DIS3L2: variants seen among roughly 807,000 people sequenced by gnomAD.
DIS3L2 encodes DIS3 like 3'-5' exoribonuclease 2, also known as DIS3-like exonuclease 2.
A neutral mutation model predicts 97.5 loss-of-function variants in DIS3L2; 34 were observed. The ratio of observed to expected loss-of-function variants is 0.35; its 90% confidence interval spans 0.27 to 0.46. DIS3L2 has a LOEUF of 0.46. Ranked by LOEUF, DIS3L2 falls within the 20% of genes least tolerant of loss-of-function variation. The probability of loss-of-function intolerance (pLI) is 1.00; values close to 1 mark genes in which losing one functional copy is unlikely to be tolerated. For synonymous variants in DIS3L2, 435 were observed against 445.2 expected (o/e 0.98, Z 0.29); for missense variants, 1,038 against 1,146.0 (o/e 0.91, Z 1.36).
intron 6 of DIS3L2, among the ~76,000 whole-genome samples, chr2:232,108,612 A>G (rs982122265): frequency 6.6e-6 from 1 of 152,228 alleles, no homozygotes; most frequent in Non-Finnish European, 1.5e-5. Flanking sequence ...AAGTCAAACT[A>G]TCTTTGTTTG....
intron 8 of DIS3L2, among the ~76,000 whole-genome samples, chr2:232,142,452 C>G (rs1298944864): frequency 6.6e-6 from 1 of 152,166 alleles, no homozygotes; most frequent in African/African-American, 2.4e-5. Flanking sequence ...ACTGCAATTT[C>G]TAGTGCACCT....
chr2:232,014,838 A>G lies in DIS3L2; in HGVS notation c.-90A>G. The G allele has an allele frequency of 2.8e-6, 4 of 1,407,036 alleles. No individual in the cohort carries two copies. The highest frequency in any genetic ancestry group is 2.1e-4 in the Middle Eastern group (1 of 4,708). The allele number at this position is 1,407,036 out of a possible 1,614,324, so 87.2% of individuals were successfully genotyped here. On this transcript the variant is annotated 5_prime_UTR_variant, in exon 2 of 21. The change abolishes an upstream ATG in the 5' untranslated region. Coordinates refer to ENST00000325385, the MANE Select transcript of DIS3L2 (RefSeq NM_152383.5). ...ACCAATCTCTTCTTGGTTTCAGCGA[A>G]TGACAACAGAGCTGCTCAAGGCGGG...
At chr2:232,220,540 C>A (rs1159036651) in intron 10 of DIS3L2, among the ~76,000 whole-genome samples, 1 of 151,934 alleles carries the variant, frequency 6.6e-6, no homozygotes, top group Non-Finnish European at 1.5e-5. Context: ...AACCCCATGT[C>A]TACTAAAAAT....
At chr2:232,195,742 A>G (rs1050824903) in intron 9 of DIS3L2, among the ~76,000 whole-genome samples, 69 of 151,692 alleles carry the variant, frequency 4.5e-4, no homozygotes, top group African/African-American at 1.5e-3. Flanking sequence ...ATGAACCCCC[A>G]CTCCCTGCCT....
chr2:232,242,785 C>T (rs191858763), intron 11 of DIS3L2, among the ~76,000 whole-genome samples: 9 of 152,324 alleles, frequency 5.9e-5, no homozygotes, highest in East Asian at 1.9e-4. Flanking sequence ...CTTTTCTCCA[C>T]GGCCAGCTCT....
intron 6 of DIS3L2, among the ~76,000 whole-genome samples, chr2:232,124,498 G>A (rs558088133): frequency 6.6e-6 from 1 of 152,272 alleles, no homozygotes; most frequent in Non-Finnish European, 1.5e-5. Context: ...GGAAGAGAAA[G>A]TTAACAAACT....
At chr2:232,133,240 G>T (rs1352791814) in intron 7 of DIS3L2, among the ~76,000 whole-genome samples, 1 of 152,148 alleles carries the variant, frequency 6.6e-6, no homozygotes, top group Non-Finnish European at 1.5e-5. Context: ...CCTGGCTTGG[G>T]GAATTTCTTG....
intron 10 of DIS3L2, among the ~76,000 whole-genome samples, chr2:232,217,199 G>A (rs142992257): frequency 4.6e-4 from 70 of 152,290 alleles, no homozygotes; most frequent in African/African-American, 1.5e-3. Context: ...CCCTGCTGAT[G>A]AGGGATCACA....
At chr2:232,046,648 C>G (rs932948268) in intron 5 of DIS3L2, among the ~76,000 whole-genome samples, 3 of 152,130 alleles carry the variant, frequency 2.0e-5, no homozygotes, top group African/African-American at 7.2e-5. Context: ...CCTTCACCCC[C>G]TTCTCCAGTT....
At chr2:232,259,320 A>G (rs1002949762) in intron 12 of DIS3L2, among the ~76,000 whole-genome samples, 8 of 152,102 alleles carry the variant, frequency 5.3e-5, no homozygotes, top group Non-Finnish European at 1.0e-4. Context: ...AAAGGAGCTC[A>G]AATGAACTGG....
At position 232,249,474 on chromosome 2, in the gene DIS3L2, A is replaced by G. The variant is rs1355987608; in HGVS notation, c.1425+128A>G. On this transcript the variant is annotated intron_variant, in intron 12 of 20. Transcript: ENST00000325385. ...AAGACAAGGGAGGTATGGAGTAGCCATCATAGAGAAATGTCAGAGTCCCTG... is the reference window on the plus strand; with the variant it reads ...AAGACAAGGGAGGTATGGAGTAGCCGTCATAGAGAAATGTCAGAGTCCCTG... 1.1e-5 allele frequency: 11 copies of G among 1,002,480 alleles called. 1 individual carries two copies. Among genetic ancestry groups the G allele is most frequent in the South Asian group, 4.5e-5 (3 of 66,354 alleles). 62.1% of individuals were successfully genotyped at this position (1,002,480 alleles called of 1,614,324 possible). A position where few individuals can be genotyped will look rare whatever the true frequency, so the allele number is the denominator to read the frequency against.
intron 14 of DIS3L2, 28 bp from the exon 15 acceptor site, chr2:232,329,785 T>TCCCCGGGGGGGGGGGCCC: frequency 4.1e-6 from 4 of 967,136 alleles, no homozygotes; most frequent in Admixed American, 3.4e-5. Flanking sequence ...ACCCCAGCGG[T>TCCCCGGGGGGGGGGGCCC]CCCTCCCATC....
At chr2:232,266,582 C>T (rs1191667308) in intron 13 of DIS3L2, among the ~76,000 whole-genome samples, 1 of 152,168 alleles carries the variant, frequency 6.6e-6, no homozygotes, top group Non-Finnish European at 1.5e-5. Context: ...AGGAGGAGCA[C>T]ATCAATCTCC....
At chr2:232,334,570 A>G in intron 18 of DIS3L2, 61 bp from the exon 19 acceptor site, 1 of 1,603,060 alleles carries the variant, frequency 6.2e-7, no homozygotes, top group Non-Finnish European at 8.5e-7. Flanking sequence ...GCTCACCAGG[A>G]GGCCTCGAGG....
At chr2:232,139,608 C>T (rs1031345349) in intron 8 of DIS3L2, among the ~76,000 whole-genome samples, 1 of 152,086 alleles carries the variant, frequency 6.6e-6, no homozygotes, top group African/African-American at 2.4e-5. Context: ...TTGAGTTCTA[C>T]CTACAGTACA....
intron 3 of DIS3L2, among the ~76,000 whole-genome samples, chr2:232,019,507 A>G (rs1270002649): frequency 1.3e-5 from 2 of 150,992 alleles, no homozygotes; most frequent in Non-Finnish European, 2.9e-5. Context: ...AGTCATGATC[A>G]TGCCATTGTG....
In DIS3L2 at chr2:232,207,297, T is replaced by C. The variant is rs112384939; in HGVS notation, c.1125-3029T>C. On this transcript the variant is annotated intron_variant, in intron 9 of 20. Transcript: ENST00000325385. ...AGTGGACACTTCCTTCTTTACCTTGTGAGCCAAGTTCAAGATCCTCATCAA... is the reference window on the plus strand; with the variant it reads ...AGTGGACACTTCCTTCTTTACCTTGCGAGCCAAGTTCAAGATCCTCATCAA... 1.2e-4 allele frequency among the ~76,000 whole-genome samples: 18 copies of C among 152,330 alleles called. 2 individuals carry two copies. Among genetic ancestry groups the C allele is most frequent in the African/African-American group, 4.3e-4 (18 of 41,574 alleles).
chr2:232,190,466 G>C (rs1691582859), intron 9 of DIS3L2, among the ~76,000 whole-genome samples: 1 of 152,192 alleles, frequency 6.6e-6, no homozygotes, highest in Non-Finnish European at 1.5e-5. Context: ...AGAAGACTGA[G>C]ATTTTGCTTT....
At chr2:232,186,210 C>T (rs999458008) in intron 9 of DIS3L2, among the ~76,000 whole-genome samples, 2 of 152,104 alleles carry the variant, frequency 1.3e-5, no homozygotes, top group Non-Finnish European at 2.9e-5. Context: ...ACACACATCA[C>T]ATTAGAAGTG....
Sources: allele counts gnomAD v4.1 joint callset (sites outside exome capture counted in the v4.1 genomes callset), GRCh38; gene constraint gnomAD v4.1.1; transcripts MANE v1.5; gene names NCBI Gene and HGNC (gene_info 2026-07-23, HGNC 2026-07-21).